Variants in TRPC6 observed in about 807,000 individuals in gnomAD.
The protein encoded by TRPC6 is transient receptor potential cation channel subfamily C member 6, also known as short transient receptor potential channel 6.
In TRPC6, 55 loss-of-function variants were observed where a neutral mutation model predicts 90.7. That is an observed-to-expected ratio of 0.61 (90% CI 0.49 to 0.76). The LOEUF (loss-of-function observed/expected upper bound fraction) is 0.76. Among genes scored for constraint, TRPC6 ranks in the 30% least tolerant of loss-of-function variants. The pLI is 0.00. For missense variants in TRPC6, 989 were observed against 1,122.7 expected, an observed-to-expected ratio of 0.88 and a Z score of 1.70; for synonymous variants, 393 against 393.0, an observed-to-expected ratio of 1.00 and a Z score of 0.00.
intron 1 of TRPC6, among the ~76,000 whole-genome samples, chr11:101,544,007 A>C (rs564895801): frequency 5.9e-5 from 9 of 152,356 alleles, no homozygotes; most frequent in African/African-American, 1.9e-4. Context: ...TAATATCCAG[A>C]ATCTAAAATG....
chr11:101,552,916 G>A (rs76687452), intron 1 of TRPC6, among the ~76,000 whole-genome samples: 3,987 of 152,096 alleles, frequency 0.026, 103 homozygotes, highest in African/African-American at 0.06. Context: ...TGTTTCAAGT[G>A]GCAGAAATTA....
At chr11:101,525,608 G>T (rs1244010859) in intron 1 of TRPC6, among the ~76,000 whole-genome samples, 3 of 152,116 alleles carry the variant, frequency 2.0e-5, no homozygotes, top group Non-Finnish European at 4.4e-5. Context: ...ATGAACAAAA[G>T]GCAGAAGTTA....
At position 101,504,759 on chromosome 11, in the gene TRPC6, T is replaced by C. The variant is rs141153400; in HGVS notation, c.210A>G (p.Thr70=). 1.4e-5 allele frequency: 23 copies of C among 1,605,710 alleles called. No homozygotes were observed. Among genetic ancestry groups the C allele is most frequent in the African/African-American group, 4.0e-5 (3 of 74,516 alleles). The part of the protein sequence containing the change: ...SDNRLAHRRQ[T]VLREKGRRLA... The stretch of plus-strand genomic sequence containing the variant: ...ACCTTCTCCCCTTCTCACGGAGAAC[T>C]GTCTGCCGCCGGTGAGCCAGTCTGT... Residue 70 remains threonine (T), a synonymous_variant, in exon 2 of 13, where the codon ACA becomes ACG. Transcript: ENST00000344327.
At chr11:101,483,434 A>T (rs754522145) in intron 4 of TRPC6, among the ~76,000 whole-genome samples, 12 of 152,194 alleles carry the variant, frequency 7.9e-5, no homozygotes, top group Non-Finnish European at 1.5e-4. Context: ...AAAATATATA[A>T]TATCGTTGAC....
intron 1 of TRPC6, among the ~76,000 whole-genome samples, chr11:101,510,080 A>C (rs1860363589): frequency 6.6e-6 from 1 of 152,186 alleles, no homozygotes; most frequent in Non-Finnish European, 1.5e-5. Context: ...TGTTGTTGAC[A>C]GAACAAAACG....
At chr11:101,531,130 A>T (rs923463870) in intron 1 of TRPC6, among the ~76,000 whole-genome samples, 15 of 152,200 alleles carry the variant, frequency 9.9e-5, no homozygotes, top group Admixed American at 7.2e-4. Flanking sequence ...GTGGTGATGG[A>T]TGTGTTGATT....
At chr11:101,541,758 A>C (rs932439524) in intron 1 of TRPC6, among the ~76,000 whole-genome samples, 1 of 152,156 alleles carries the variant, frequency 6.6e-6, no homozygotes, top group African/African-American at 2.4e-5. Context: ...GTGCAAAAGA[A>C]AAAAAAGTAT....
At position 101,583,572 on chromosome 11, in the gene TRPC6, C is replaced by T. The variant is rs1308746984; in HGVS notation, c.-69G>A. 7.2e-6 allele frequency: 10 copies of T among 1,394,830 alleles called. No individual in the cohort carries two copies. Among genetic ancestry groups the T allele is most frequent in the Non-Finnish European group, 9.3e-6 (10 of 1,078,142 alleles). 86.4% of individuals were successfully genotyped at this position (1,394,830 alleles called of 1,614,324 possible). A position where few individuals can be genotyped will look rare whatever the true frequency, so the allele number is the denominator to read the frequency against. The stretch of plus-strand genomic sequence containing the variant: ...CGAGTGGGCAGTTCCAGCGGGGACC[C>T]GGTGCGGAGGGTTCGCGTCAGCGGC... On this transcript the variant is annotated 5_prime_UTR_variant, in exon 1 of 13. Coordinates refer to ENST00000344327, the MANE Select transcript of TRPC6 (RefSeq NM_004621.6).
chr11:101,463,079 G>C (rs1203895656), intron 10 of TRPC6, among the ~76,000 whole-genome samples: 1 of 152,108 alleles, frequency 6.6e-6, no homozygotes, highest in African/African-American at 2.4e-5. Flanking sequence ...TGTGGTTTTT[G>C]TCATTGGTTC....
At chr11:101,567,527 C>T (rs72976306) in intron 1 of TRPC6, among the ~76,000 whole-genome samples, 7,359 of 152,330 alleles carry the variant, frequency 0.048, 261 homozygotes, top group Non-Finnish European at 0.074. Context: ...AAGGGACAGA[C>T]TATCTCCGCA....
rs746219824 is a variant in TRPC6 at position 101,455,092 on chromosome 11, T to C, written c.2494A>G (p.Asn832Asp). The C allele has an allele frequency of 2.5e-6, 4 of 1,612,046 alleles. No homozygotes were observed. Among genetic ancestry groups the C allele is most frequent in the Middle Eastern group, 1.6e-4 (1 of 6,062 alleles). ...LSLDKKQVGHNKQPSIRSSED... is the reference protein window; with the variant it reads ...LSLDKKQVGHDKQPSIRSSED... ...GAGCTCCTTATACTTGGTTGTTTAT[T>C]GTGCCCAACCTGTAATTTGAAAAGA... is the stretch of plus-strand genomic sequence containing the variant. Residue 832 changes from asparagine (N) to aspartate (D), a missense_variant, in exon 11 of 13, where the codon AAT (asparagine) becomes GAT (aspartate). By Grantham distance (23) the Asn-to-Asp change is conservative (BLOSUM62 1). Around this residue, in one of 4 missense-constraint regions of TRPC6, gnomAD observed 191 missense variants for 196.7 expected, o/e 0.97. Transcript: ENST00000344327.
intron 1 of TRPC6, among the ~76,000 whole-genome samples, chr11:101,507,625 G>C (rs1160210865): frequency 6.6e-6 from 1 of 152,054 alleles, no homozygotes; most frequent in African/African-American, 2.4e-5. Context: ...TGATAGTTTG[G>C]CTGGGTAGAG....
chr11:101,493,989 CA>C (rs1275653490), intron 2 of TRPC6, among the ~76,000 whole-genome samples: 1 of 152,064 alleles, frequency 6.6e-6, no homozygotes, highest in Non-Finnish European at 1.5e-5. Flanking sequence ...TCCAGAAAAG[CA>C]AATTAATAAA....
intron 1 of TRPC6, among the ~76,000 whole-genome samples, chr11:101,570,050 A>C (rs963622365): frequency 1.3e-5 from 2 of 152,322 alleles, no homozygotes; most frequent in Admixed American, 6.5e-5. Context: ...TAGAGACACA[A>C]AAAACCCTTC....
chr11:101,574,970 A>G (rs1190261477), intron 1 of TRPC6, among the ~76,000 whole-genome samples: 1 of 152,158 alleles, frequency 6.6e-6, no homozygotes, highest in African/African-American at 2.4e-5. Flanking sequence ...TTGTATCACA[A>G]ACCAAAGCTG....
At chr11:101,544,228 CAACAG>C (rs1169640073) in intron 1 of TRPC6, among the ~76,000 whole-genome samples, 5 of 152,146 alleles carry the variant, frequency 3.3e-5, no homozygotes, top group African/African-American at 1.2e-4. Flanking sequence ...AGTCAGGAAA[CAACAG>C]ATGCTGGAGA....
At chr11:101,508,518 C>T (rs1315327313) in intron 1 of TRPC6, among the ~76,000 whole-genome samples, 2 of 152,022 alleles carry the variant, frequency 1.3e-5, no homozygotes, top group Non-Finnish European at 2.9e-5. Context: ...AATTCTTAAC[C>T]CTCTTCCCTT....
intron 9 of TRPC6, 84 bp downstream of exon 9, chr11:101,471,099 G>C (rs1351407470): frequency 7.4e-7 from 1 of 1,345,798 alleles, no homozygotes; most frequent in Non-Finnish European, 1.1e-6. Flanking sequence ...ATCAGGAACT[G>C]CTTCTCTTTA....
chr11:101,551,716 C>T (rs1266319891), intron 1 of TRPC6, among the ~76,000 whole-genome samples: 1 of 151,984 alleles, frequency 6.6e-6, no homozygotes, highest in Non-Finnish European at 1.5e-5. Context: ...AGAGTTTCTA[C>T]ACATATTGTG....
Sources: allele counts gnomAD v4.1 joint callset (sites outside exome capture counted in the v4.1 genomes callset), GRCh38; gene constraint gnomAD v4.1.1; regional missense constraint gnomAD v4.1.1; transcripts MANE v1.5; gene names NCBI Gene and HGNC (gene_info 2026-07-23, HGNC 2026-07-21).